Variants in SNX29 observed in about 807,000 individuals in gnomAD.
SNX29 encodes sorting nexin 29.
Under a neutral mutation model 102.1 loss-of-function variants are expected in SNX29, and 78 were observed. The observed-to-expected ratio is 0.76, with a 90% confidence interval of 0.64 to 0.92. The LOEUF (loss-of-function observed/expected upper bound fraction) is 0.92, where lower values mean the gene tolerates loss of function less well. Among genes scored for constraint, SNX29 ranks in the 40% least tolerant of loss-of-function variants. The probability of loss-of-function intolerance (pLI) is 0.00; values close to 1 mark genes in which losing one functional copy is unlikely to be tolerated. For missense variants in SNX29, 1,280 were observed against 1,061.7 expected (o/e 1.21, Z -2.86); for synonymous variants, 580 against 414.5 (o/e 1.40, Z -4.85).
At chr16:12,554,642 T>G (rs909631592) in intron 20 of SNX29, among the ~76,000 whole-genome samples, 2 of 152,204 alleles carry the variant, frequency 1.3e-5, no homozygotes, top group Non-Finnish European at 2.9e-5. Context: ...TTCCCCAGGT[T>G]TCACCAGTTT....
At position 12,419,865 on chromosome 16, in the gene SNX29, G is replaced by A. The variant is rs1308584744; in HGVS notation, c.2037+16336G>A. ...TAAAGCCATAGGTCGGTGGGAGAAAGATGTTTTCCCCAAAAGAAAATGAGG... is the reference window on the plus strand; with the variant it reads ...TAAAGCCATAGGTCGGTGGGAGAAAAATGTTTTCCCCAAAAGAAAATGAGG... On this transcript the variant is annotated intron_variant, in intron 18 of 20. Coordinates refer to ENST00000566228, the MANE Select transcript of SNX29 (RefSeq NM_032167.5). 2.0e-5 allele frequency among the ~76,000 whole-genome samples: 3 copies of A among 152,314 alleles called. No individual in the cohort carries two copies. In the East Asian group the frequency reaches 5.8e-4, roughly 29 times the overall value.
intron 10 of SNX29, among the ~76,000 whole-genome samples, chr16:12,072,275 G>A (rs1567180682): frequency 6.6e-6 from 1 of 152,172 alleles, no homozygotes; most frequent in African/African-American, 2.4e-5. Flanking sequence ...TTCAGTTTTT[G>A]CCCATTCAGT....
At chr16:12,482,085 A>G (rs939593180) in intron 19 of SNX29, among the ~76,000 whole-genome samples, 1 of 152,158 alleles carries the variant, frequency 6.6e-6, no homozygotes, top group African/African-American at 2.4e-5. Flanking sequence ...ACCTGCTTTA[A>G]TATCCCAAGA....
chr16:12,302,868 T>G (rs1057289090), intron 15 of SNX29, among the ~76,000 whole-genome samples: 3 of 152,220 alleles, frequency 2.0e-5, no homozygotes, highest in African/African-American at 7.2e-5. Flanking sequence ...ACTTCTAGTT[T>G]AAGAGGATCA....
intron 18 of SNX29, among the ~76,000 whole-genome samples, chr16:12,469,957 G>A (rs554305726): frequency 6.6e-6 from 1 of 152,298 alleles, no homozygotes; most frequent in Non-Finnish European, 1.5e-5. Flanking sequence ...AGGTTGCAGT[G>A]AGCTGAGATC....
Position 12,424,041 on chromosome 16 carries a change from A to T in SNX29, c.2037+20512A>T, listed in dbSNP as rs114158306. Among the ~76,000 whole-genome samples, 1,102 of 152,368 alleles carry T rather than the reference A, an allele frequency of 7.2e-3. 14 individuals are homozygous for T. The highest frequency in any genetic ancestry group is 0.025 in the African/African-American group (1,052 of 41,590). ...CTGAGCTGGTTGGCCAGAGGGAATC[A>T]GGGCTACTGGCAGCCTTAGCTTTGC... On this transcript the variant is annotated intron_variant, in intron 18 of 20. Coordinates refer to ENST00000566228, the MANE Select transcript of SNX29 (RefSeq NM_032167.5).
intron 16 of SNX29, among the ~76,000 whole-genome samples, chr16:12,388,246 G>A (rs753420375): frequency 2.0e-5 from 3 of 152,194 alleles, no homozygotes; most frequent in Non-Finnish European, 4.4e-5. Flanking sequence ...AGTTGGCTTT[G>A]AATTATTGCT....
intron 15 of SNX29, among the ~76,000 whole-genome samples, chr16:12,279,946 C>T (rs2079379551): frequency 6.6e-6 from 1 of 152,190 alleles, no homozygotes; most frequent in Non-Finnish European, 1.5e-5. Context: ...AGGGTGCCTA[C>T]TTCGCAGGGT....
rs780985456 is a variant in SNX29 at position 12,570,577 on chromosome 16, C to G, written c.*1948C>G. The G allele has an allele frequency of 8.2e-5, 19 of 232,208 alleles. No homozygotes were observed. The highest frequency in any genetic ancestry group is 1.5e-4 in the Non-Finnish European group (18 of 117,470). 14.4% of individuals were successfully genotyped at this position (232,208 alleles called of 1,614,324 possible). A position where few individuals can be genotyped will look rare whatever the true frequency, so the allele number is the denominator to read the frequency against. On this transcript the variant is annotated 3_prime_UTR_variant, in exon 21 of 21. Coordinates refer to ENST00000566228, the MANE Select transcript of SNX29 (RefSeq NM_032167.5). ...CAGAGACTGTCTCAGGAGTGCCTCC[C>G]TGGCCTGGGTAGCTACCCTGGAGGT...
intron 15 of SNX29, among the ~76,000 whole-genome samples, chr16:12,311,953 A>G (rs2080569692): frequency 6.6e-6 from 1 of 152,136 alleles, no homozygotes; most frequent in South Asian, 2.1e-4. Context: ...TCCATGAGGA[A>G]CCGGGGCCCA....
At chr16:12,372,449 A>C (rs1280826056) in intron 16 of SNX29, 1 of 152,182 alleles carries the variant, frequency 6.6e-6, no homozygotes, top group Admixed American at 6.5e-5. Context: ...TTCATTAGTT[A>C]ATTAATTCCG....
At chr16:12,523,206 G>C (rs1452434455) in intron 19 of SNX29, among the ~76,000 whole-genome samples, 1 of 152,214 alleles carries the variant, frequency 6.6e-6, no homozygotes, top group East Asian at 1.9e-4. Context: ...CCTTGGGCCA[G>C]CTCTGTGCCT....
chr16:12,070,567 C>A (rs1038274786), intron 10 of SNX29, among the ~76,000 whole-genome samples: 10 of 151,762 alleles, frequency 6.6e-5, no homozygotes, highest in Admixed American at 5.9e-4. Context: ...TTTCTTAATC[C>A]AGTCTATCTT....
intron 11 of SNX29, among the ~76,000 whole-genome samples, chr16:12,124,629 G>A (rs1185145523): frequency 2.0e-5 from 3 of 152,146 alleles, no homozygotes; most frequent in Non-Finnish European, 2.9e-5. Flanking sequence ...ATGTATTTCA[G>A]TACATTACAG....
intron 18 of SNX29, among the ~76,000 whole-genome samples, chr16:12,469,883 G>C (rs1212616790): frequency 6.6e-6 from 1 of 152,178 alleles, no homozygotes; most frequent in African/African-American, 2.4e-5. Context: ...GGTGGCTTGT[G>C]CCTGTAATCC....
chr16:12,466,885 C>T (rs2087078287), intron 18 of SNX29, among the ~76,000 whole-genome samples: 1 of 152,128 alleles, frequency 6.6e-6, no homozygotes, highest in Admixed American at 6.5e-5. Flanking sequence ...TAACAGAGGC[C>T]ATTTGCATCT....
At chr16:12,015,004 T>A (rs2056800616) in intron 3 of SNX29, among the ~76,000 whole-genome samples, 1 of 152,040 alleles carries the variant, frequency 6.6e-6, no homozygotes, top group Non-Finnish European at 1.5e-5. Flanking sequence ...GGTCCCGTTT[T>A]TTCTGTCCTG....
intron 18 of SNX29, among the ~76,000 whole-genome samples, chr16:12,406,409 C>T (rs930454179): frequency 6.6e-6 from 1 of 152,220 alleles, no homozygotes; most frequent in Non-Finnish European, 1.5e-5. Context: ...CAATCCCCAT[C>T]TACATTCCCG....
At chr16:12,225,936 A>G (rs893286808) in intron 14 of SNX29, among the ~76,000 whole-genome samples, 49 of 152,200 alleles carry the variant, frequency 3.2e-4, no homozygotes, top group African/African-American at 1.2e-3. Flanking sequence ...AAGACAGATG[A>G]AGCAATTGAG....
Sources: gnomAD v4.1 joint callset for allele counts (sites outside exome capture counted in the v4.1 genomes callset) on GRCh38, gnomAD v4.1.1 for gene constraint, MANE v1.5 for transcripts, NCBI Gene and HGNC (gene_info 2026-07-23, HGNC 2026-07-21) for gene names.